The following SAR1B variants were observed in gnomAD, a reference collection of about 807,000 sequenced individuals.
SAR1B encodes secretion associated Ras related GTPase 1B, also known as small COPII coat GTPase SAR1B.
A neutral mutation model predicts 26.8 loss-of-function variants in SAR1B; 23 were observed. That is an observed-to-expected ratio of 0.86 (90% CI 0.62 to 1.22). SAR1B has a LOEUF of 1.22. Among genes scored for constraint, SAR1B ranks in the 50% most tolerant of loss-of-function variants. SAR1B has a pLI of 0.00. For synonymous variants in SAR1B, 65 were observed against 80.8 expected (o/e 0.80, Z 1.05); for missense variants, 196 against 232.8 (o/e 0.84, Z 1.03).
At chr5:134,628,072 G>C (rs893104694) in intron 1 of SAR1B, among the ~76,000 whole-genome samples, 6 of 151,812 alleles carry the variant, frequency 4.0e-5, no homozygotes, top group African/African-American at 4.8e-5. Context: ...CTGGGAGGCA[G>C]AGGTTGCAGT....
At chr5:134,607,266 G>A (rs1765143926) in intron 6 of SAR1B, among the ~76,000 whole-genome samples, 200 bp from the exon 7 acceptor site, 1 of 151,994 alleles carries the variant, frequency 6.6e-6, no homozygotes, top group Non-Finnish European at 1.5e-5. Context: ...AGGGCAGGAT[G>A]GCCACTCAGT....
intron 1 of SAR1B, among the ~76,000 whole-genome samples, chr5:134,629,137 A>C (rs1184032581): frequency 2.7e-5 from 4 of 150,494 alleles, no homozygotes; most frequent in African/African-American, 9.7e-5. Context: ...AAAAAGAAGG[A>C]TGAACTGGGC....
chr5:134,617,867 A>T (rs1035051477), intron 3 of SAR1B, among the ~76,000 whole-genome samples: 1 of 152,176 alleles, frequency 6.6e-6, no homozygotes, highest in Admixed American at 6.5e-5. Flanking sequence ...TTTTTAGTAC[A>T]GAACGGGTTT....
intron 2 of SAR1B, 136 bp downstream of exon 2, chr5:134,623,826 A>G (rs973360223): frequency 5.8e-6 from 4 of 684,952 alleles, no homozygotes; most frequent in South Asian, 5.0e-5. Context: ...TTGAACATCT[A>G]TGTATGATTT....
chr5:134,626,294 G>A (rs1231418954), intron 1 of SAR1B, among the ~76,000 whole-genome samples: 9 of 65,540 alleles, frequency 1.4e-4, no homozygotes, highest in Admixed American at 2.7e-4. Context: ...GCAAGACTCT[G>A]CCTCAAAAAA....
chr5:134,621,176 A>G, intron 2 of SAR1B, 124 bp from the exon 3 acceptor site: 2 of 1,136,854 alleles, frequency 1.8e-6, no homozygotes, highest in Non-Finnish European at 2.5e-6. Context: ...AAGCTATTTT[A>G]AATCTATTCA....
intron 6 of SAR1B, among the ~76,000 whole-genome samples, chr5:134,607,448 A>C (rs1324821209): frequency 6.6e-6 from 1 of 152,216 alleles, no homozygotes; most frequent in Non-Finnish European, 1.5e-5. Context: ...GAAGACAGAA[A>C]ACAGACCAAA....
At chr5:134,621,257 G>A (rs1326476761) in intron 2 of SAR1B, among the ~76,000 whole-genome samples, 1 of 152,100 alleles carries the variant, frequency 6.6e-6, no homozygotes, top group African/African-American at 2.4e-5. Flanking sequence ...ATCACCTGAG[G>A]TAAGGAGTTT....
intron 3 of SAR1B, among the ~76,000 whole-genome samples, chr5:134,617,772 C>T (rs1158026590): frequency 6.6e-6 from 1 of 152,026 alleles, no homozygotes; most frequent in Non-Finnish European, 1.5e-5. Flanking sequence ...ACCTCCGCCT[C>T]CCGGGTTCAA....
At chr5:134,620,440 T>C (rs560468510) in intron 3 of SAR1B, among the ~76,000 whole-genome samples, 3 of 152,194 alleles carry the variant, frequency 2.0e-5, no homozygotes, top group Non-Finnish European at 2.9e-5. Flanking sequence ...TACTAGCTGA[T>C]AAAAAGGTAT....
chr5:134,611,670 T>C (rs1347662791), intron 4 of SAR1B, among the ~76,000 whole-genome samples: 2 of 152,100 alleles, frequency 1.3e-5, no homozygotes, highest in Admixed American at 6.6e-5. Context: ...TGTACACAAA[T>C]ATACTAAGTG....
chr5:134,612,675 A>AAAAAAT lies in SAR1B; in HGVS notation c.244+15_244+16insATTTTT. 1.7e-6 allele frequency: 2 copies of AAAAAAT among 1,148,908 alleles called. No homozygotes were observed. Among genetic ancestry groups the AAAAAAT allele is most frequent in the Non-Finnish European group, 2.4e-6 (2 of 839,626 alleles). 71.2% of individuals were successfully genotyped at this position (1,148,908 alleles called of 1,614,324 possible). On this transcript the variant is annotated intron_variant, in intron 4 of 6. Transcript: ENST00000402673. Reference sequence around the variant, plus strand: ...AAAAAAAAAAAAAAAAAAAAAAAAAAAAAAAAGAATCTTACCTTGAACATG... The same window carrying AAAAAAT: ...AAAAAAAAAAAAAAAAAAAAAAAAAAAAAAATAAAAAAGAATCTTACCTTGAACATG...
rs1262548443 is a variant in SAR1B at position 134,607,014 on chromosome 5, C to T, written c.533G>A (p.Cys178Tyr). Reference sequence around the variant, plus strand: ...GTAACCTTGTCTTTTGAGCACACTACACATGAAAACTTCTAAGGGTCGGGC... The same window carrying T: ...GTAACCTTGTCTTTTGAGCACACTATACATGAAAACTTCTAAGGGTCGGGC... ...LNARPLEVFM[C>Y]SVLKRQGYGE... The change falls in exon 7 of 7, where the codon TGT (cysteine) becomes TAT (tyrosine). Residue 178 changes from cysteine to tyrosine, a missense_variant. Physicochemically the swap from Cys to Tyr is radical, Grantham distance 194. Coordinates refer to ENST00000402673, the MANE Select transcript of SAR1B (RefSeq NM_016103.4). The T allele has an allele frequency of 6.2e-7, 1 of 1,614,106 alleles. No homozygotes were observed.
At position 134,609,644 on chromosome 5, in the gene SAR1B, G is replaced by C. The variant is rs1446738070; in HGVS notation, c.275C>G (p.Ala92Gly). ...ARRVWKNYLP[A>G]INGIVFLVDC... ...CACCAGAAATACAATGCCATTGATA[G>C]CAGGAAGGTAGTTTTTCCACACTCT... Residue 92 changes from alanine to glycine, a missense_variant, in exon 5 of 7, where the codon GCT (alanine) becomes GGT (glycine). Ala to Gly is a moderately conservative substitution (Grantham distance 60). Coordinates refer to ENST00000402673, the MANE Select transcript of SAR1B (RefSeq NM_016103.4). 1 of 1,614,112 alleles carries C rather than the reference G, an allele frequency of 6.2e-7. No individual in the cohort carries two copies. Among genetic ancestry groups the C allele is most frequent in the Non-Finnish European group, 8.5e-7 (1 of 1,179,984 alleles).
chr5:134,609,695 T>A (rs771666761), intron 4 of SAR1B, 21 bp from the exon 5 acceptor site: 8 of 1,600,144 alleles, frequency 5.0e-6, no homozygotes, highest in South Asian at 1.1e-5. Context: ...CAATCAGGGG[T>A]TAGAGTTTAC....
rs1012388681 is a variant in SAR1B at position 134,606,774 on chromosome 5, A to G, written c.*176T>C. ...AGAAAGCTAACATTGTGATACTCAA[A>G]CTTACTTGAATCAGTTTTCAATTCT... is the stretch of plus-strand genomic sequence containing the variant. On this transcript the variant is annotated 3_prime_UTR_variant, in exon 7 of 7. Transcript: ENST00000402673. 6.5e-6 allele frequency: 4 copies of G among 618,488 alleles called. No homozygotes were observed. In the African/African-American group the frequency reaches 7.4e-5, roughly 11 times the overall value. 38.3% of individuals were successfully genotyped at this position (618,488 alleles called of 1,614,324 possible). A position where few individuals can be genotyped will look rare whatever the true frequency, so the allele number is the denominator to read the frequency against.
chr5:134,615,504 G>T (rs1314075862), intron 3 of SAR1B, among the ~76,000 whole-genome samples: 2 of 151,038 alleles, frequency 1.3e-5, no homozygotes, highest in Non-Finnish European at 2.9e-5. Flanking sequence ...AACAGAGAGA[G>T]ATTCTGTCTG....
chr5:134,610,882 C>G (rs913375172), intron 4 of SAR1B, among the ~76,000 whole-genome samples: 1 of 150,974 alleles, frequency 6.6e-6, no homozygotes, highest in African/African-American at 2.4e-5. Flanking sequence ...TTATGACATA[C>G]CTTTTTTTTT....
intron 4 of SAR1B, 143 bp downstream of exon 4, chr5:134,612,548 G>A: frequency 2.7e-6 from 2 of 751,868 alleles, no homozygotes; most frequent in South Asian, 5.1e-5. Flanking sequence ...GGGAGGCTGA[G>A]GCATGAGGAT....
Sources: gnomAD v4.1 joint callset for allele counts (sites outside exome capture counted in the v4.1 genomes callset) on GRCh38, gnomAD v4.1.1 for gene constraint, MANE v1.5 for transcripts, NCBI Gene and HGNC (gene_info 2026-07-23, HGNC 2026-07-21) for gene names.